CCDC181: variants seen among roughly 807,000 people sequenced by gnomAD.
CCDC181 encodes coiled-coil domain containing 181.
CCDC181 carries 35 observed loss-of-function variants against 58.7 expected under a neutral mutation model. The observed-to-expected ratio is 0.60, with a 90% CI of 0.46 to 0.79. CCDC181 has a LOEUF of 0.79. Among genes scored for constraint, CCDC181 ranks in the 30% least tolerant of loss-of-function variants. The probability of loss-of-function intolerance (pLI) is 0.00; values close to 1 mark genes in which losing one functional copy is unlikely to be tolerated. For synonymous variants in CCDC181, 183 were observed against 197.5 expected (o/e 0.93, Z 0.62); for missense variants, 517 against 583.9 (o/e 0.89, Z 1.18).
At chr1:169,438,105 C>G (rs1356538306) in intron 2 of CCDC181, among the ~76,000 whole-genome samples, 1 of 152,132 alleles carries the variant, frequency 6.6e-6, no homozygotes, top group Non-Finnish European at 1.5e-5. Flanking sequence ...AACCCATGTT[C>G]TATCCTGTGA....
chr1:169,460,383 C>A (rs1279233440), exon 1 of CCDC181: 3 of 152,258 alleles, frequency 2.0e-5, no homozygotes, highest in African/African-American at 7.2e-5. Flanking sequence ...TCCTCCTGCA[C>A]TGGCTAGTCT....
chr1:169,459,066 G>A (rs6697727), intron 2 of CCDC181, among the ~76,000 whole-genome samples: 97,499 of 151,722 alleles, frequency 0.64, 31,978 homozygotes, highest in Non-Finnish European at 0.7. Flanking sequence ...AAATAAAAAG[G>A]GCAATAATTA....
chr1:169,449,530 C>T (rs897325292), intron 2 of CCDC181, among the ~76,000 whole-genome samples: 1 of 152,178 alleles, frequency 6.6e-6, no homozygotes, highest in Admixed American at 6.5e-5. Context: ...AACTGAGGAG[C>T]AAGGAAGCCA....
chr1:169,398,459 A>AG (rs2102038660), intron 4 of CCDC181, among the ~76,000 whole-genome samples: 1 of 152,346 alleles, frequency 6.6e-6, no homozygotes, highest in East Asian at 1.9e-4. Context: ...TCAAGGATTC[A>AG]GGGAGCAACA....
chr1:169,440,161 C>T (rs1657175017), intron 2 of CCDC181, among the ~76,000 whole-genome samples: 2 of 152,200 alleles, frequency 1.3e-5, no homozygotes, highest in Admixed American at 6.5e-5. Flanking sequence ...TCCTTGCCTC[C>T]TGTCCATATC....
chr1:169,446,301 G>T (rs948591048), intron 2 of CCDC181, among the ~76,000 whole-genome samples: 1 of 151,964 alleles, frequency 6.6e-6, no homozygotes, highest in Non-Finnish European at 1.5e-5. Context: ...AAAATTAGCT[G>T]GGCATGGTGG....
At chr1:169,425,881 T>C (rs1008531915) in intron 1 of CCDC181, among the ~76,000 whole-genome samples, 3 of 152,158 alleles carry the variant, frequency 2.0e-5, no homozygotes, top group Non-Finnish European at 2.9e-5. Context: ...TCTGAACTTA[T>C]AAATAAATGG....
intron 2 of CCDC181, among the ~76,000 whole-genome samples, chr1:169,423,487 C>T (rs1437867695): frequency 6.6e-6 from 1 of 151,958 alleles, no homozygotes; most frequent in Non-Finnish European, 1.5e-5. Flanking sequence ...CCCTGACCCT[C>T]TTATGTGTCT....
chr1:169,441,956 TG>T (rs1002105282), intron 2 of CCDC181, among the ~76,000 whole-genome samples: 2 of 152,136 alleles, frequency 1.3e-5, no homozygotes, highest in Non-Finnish European at 2.9e-5. Context: ...CCCAATTATC[TG>T]TCATCATTTA....
intron 4 of CCDC181, among the ~76,000 whole-genome samples, chr1:169,411,502 A>C (rs1456193876): frequency 6.6e-6 from 1 of 152,014 alleles, no homozygotes; most frequent in African/African-American, 2.4e-5. Context: ...TATTCCAAAC[A>C]ACAGAAAAAG....
chr1:169,428,396 CT>C (rs1442111365), upstream of CCDC181, among the ~76,000 whole-genome samples: 1 of 152,052 alleles, frequency 6.6e-6, no homozygotes, highest in East Asian at 1.9e-4. Flanking sequence ...TGTAGAGTTA[CT>C]TACCAAAGCT....
At chr1:169,430,560 G>A (rs894448076), upstream of CCDC181, among the ~76,000 whole-genome samples, 4 of 151,994 alleles carry the variant, frequency 2.6e-5, no homozygotes, top group African/African-American at 9.7e-5. Context: ...TATTGTAATG[G>A]GGTTGAGTTC....
rs980414417 is a variant in CCDC181 at position 169,423,295 on chromosome 1, G to C, written c.118-982C>G. Among the ~76,000 whole-genome samples, 16 of 151,886 alleles carry C rather than the reference G, an allele frequency of 1.1e-4. No homozygotes were observed. The East Asian group carries it at 3.1e-3, about 29-fold the overall frequency. ...TGCCAAATAACTATGATTTAACTAAGAGCTCTGTATCACAAGTGTTCATTT... is the reference window on the plus strand; with the variant it reads ...TGCCAAATAACTATGATTTAACTAACAGCTCTGTATCACAAGTGTTCATTT... On this transcript the variant is annotated intron_variant, in intron 2 of 5. Coordinates refer to ENST00000367806, the MANE Select transcript of CCDC181 (RefSeq NM_001300969.2).
intron 2 of CCDC181, among the ~76,000 whole-genome samples, chr1:169,456,541 A>C (rs1319769458): frequency 6.6e-6 from 1 of 152,164 alleles, no homozygotes; most frequent in Non-Finnish European, 1.5e-5. Context: ...GCCTGCACTC[A>C]TGAAAAAATG....
chr1:169,447,362 C>G (rs1657405365), intron 2 of CCDC181, among the ~76,000 whole-genome samples: 1 of 152,194 alleles, frequency 6.6e-6, no homozygotes, highest in Admixed American at 6.5e-5. Flanking sequence ...ATCCACCCGC[C>G]TCAGCCTCCC....
chr1:169,423,065 A>ATG (rs1464822466), intron 2 of CCDC181, among the ~76,000 whole-genome samples: 6 of 147,348 alleles, frequency 4.1e-5, no homozygotes, highest in Non-Finnish European at 7.5e-5. Flanking sequence ...TAAATATTTT[A>ATG]TATATATATA....
intron 2 of CCDC181, among the ~76,000 whole-genome samples, chr1:169,453,477 C>G (rs1337160143): frequency 6.6e-6 from 1 of 151,998 alleles, no homozygotes; most frequent in Non-Finnish European, 1.5e-5. Context: ...TATGGTCATT[C>G]AGTCTCTCCT....
intron 3 of CCDC181, 87 bp downstream of exon 3, chr1:169,421,276 G>T: frequency 1.9e-6 from 2 of 1,048,516 alleles, no homozygotes; most frequent in Non-Finnish European, 2.7e-6. Flanking sequence ...GTCTCCAATG[G>T]TTTGAACAAC....
intron 2 of CCDC181, among the ~76,000 whole-genome samples, chr1:169,438,432 T>G (rs1657115012): frequency 6.6e-6 from 1 of 152,096 alleles, no homozygotes; most frequent in South Asian, 2.1e-4. Context: ...GCTGTGAGGG[T>G]CAAGCCACTT....
Sources: gnomAD v4.1 joint callset for allele counts (sites outside exome capture counted in the v4.1 genomes callset) on GRCh38, gnomAD v4.1.1 for gene constraint, MANE v1.5 for transcripts, NCBI Gene and HGNC (gene_info 2026-07-23, HGNC 2026-07-21) for gene names.